Variants in UGT1A10 observed in about 807,000 individuals in gnomAD.
The protein encoded by UGT1A10 is UDP glucuronosyltransferase family 1 member A10, also known as UDP-glucuronosyltransferase 1A10.
UGT1A10 carries 49 observed loss-of-function variants against 45.8 expected under a neutral mutation model. That is an observed-to-expected ratio of 1.07 (90% CI 0.85 to 1.36). UGT1A10 has a LOEUF of 1.36. UGT1A10 is among the 40% of genes most tolerant of loss of function. The pLI is 0.00. For missense variants in UGT1A10, 745 were observed against 668.6 expected (o/e 1.11, Z -1.26); for synonymous variants, 284 against 249.7 (o/e 1.14, Z -1.29).
intron 1 of UGT1A10, chr2:233,747,355 T>C: frequency 1.2e-6 from 2 of 1,603,184 alleles, no homozygotes; most frequent in East Asian, 2.2e-5. Context: ...CGGGAGGCCG[T>C]GCGGGAGCTC....
At position 233,772,771 on chromosome 2, in the gene UGT1A10, G is replaced by A. The variant is rs989549467; in HGVS notation, c.*212G>A. 1 of 1,323,730 alleles carries A rather than the reference G, an allele frequency of 7.6e-7. No individual in the cohort carries two copies. The highest frequency in any genetic ancestry group is 1.5e-5 in the African/African-American group (1 of 67,390). The allele number at this position is 1,323,730 out of a possible 1,614,324, so 82.0% of individuals were successfully genotyped here. On this transcript the variant is annotated 3_prime_UTR_variant, in exon 5 of 5. Coordinates refer to ENST00000344644, the MANE Select transcript of UGT1A10 (RefSeq NM_019075.4). ...TTTGAATATGTATCGTGCCCCCTCTGGTGTCTTTGATCAGGATGACATGTG... is the reference window on the plus strand; with the variant it reads ...TTTGAATATGTATCGTGCCCCCTCTAGTGTCTTTGATCAGGATGACATGTG...
intron 1 of UGT1A10, among the ~76,000 whole-genome samples, chr2:233,696,259 G>A (rs1003470757): frequency 2.0e-5 from 3 of 152,170 alleles, no homozygotes; most frequent in Non-Finnish European, 4.4e-5. Context: ...ACACATCAGT[G>A]AATGAATGGA....
At chr2:233,679,746 C>G (rs569652766) in intron 1 of UGT1A10, among the ~76,000 whole-genome samples, 1 of 152,186 alleles carries the variant, frequency 6.6e-6, no homozygotes, top group East Asian at 1.9e-4. Context: ...GTAAAACTAG[C>G]AAACCATCCT....
At chr2:233,764,342 C>T (rs1016981784) in intron 1 of UGT1A10, among the ~76,000 whole-genome samples, 3 of 152,154 alleles carry the variant, frequency 2.0e-5, no homozygotes, top group Admixed American at 1.3e-4. Context: ...ATGGACTTCA[C>T]CTTTATTGAG....
intron 1 of UGT1A10, among the ~76,000 whole-genome samples, chr2:233,683,504 C>T (rs2074637285): frequency 6.6e-6 from 1 of 152,064 alleles, no homozygotes; most frequent in Non-Finnish European, 1.5e-5. Flanking sequence ...AGTAGGGTAT[C>T]ATCCTATGAG....
At chr2:233,737,982 G>T (rs1690650423) in intron 1 of UGT1A10, among the ~76,000 whole-genome samples, 2 of 151,994 alleles carry the variant, frequency 1.3e-5, no homozygotes, top group South Asian at 4.2e-4. Flanking sequence ...AATATGGTTT[G>T]GCTCTGTGTC....
At chr2:233,718,787 G>T (rs780688906) in intron 1 of UGT1A10, 1 of 1,613,100 alleles carries the variant, frequency 6.2e-7, no homozygotes, top group South Asian at 1.1e-5. Flanking sequence ...CACAGCGTGG[G>T]GTGGACAGTC....
In UGT1A10 at chr2:233,670,820, G is replaced by C. The variant is rs114041331; in HGVS notation, c.855+33443G>C. Among the ~76,000 whole-genome samples the C allele has an allele frequency of 3.0e-3, 457 of 152,272 alleles. 3 individuals are homozygous for C. The highest frequency in any genetic ancestry group is 0.01 in the African/African-American group (435 of 41,546). On this transcript the variant is annotated intron_variant, in intron 1 of 4. Transcript: ENST00000344644. ...ATTGTCCAAAAATCAAAAGAACTTT[G>C]AAAGACCGTCTCTTACTGGCAAGAT...
chr2:233,666,030 C>G (rs2074069814), intron 1 of UGT1A10, among the ~76,000 whole-genome samples: 1 of 152,148 alleles, frequency 6.6e-6, no homozygotes, highest in Non-Finnish European at 1.5e-5. Flanking sequence ...GCTGGTGGTT[C>G]ATTCAGGCGA....
At chr2:233,765,166 G>T (rs1228376175) in intron 1 of UGT1A10, among the ~76,000 whole-genome samples, 1 of 152,128 alleles carries the variant, frequency 6.6e-6, no homozygotes, top group Non-Finnish European at 1.5e-5. Flanking sequence ...CCCTCAGTTT[G>T]GGCAAGCCCT....
intron 1 of UGT1A10, chr2:233,760,764 C>A (rs199766420): frequency 8.1e-6 from 13 of 1,614,088 alleles, no homozygotes; most frequent in Non-Finnish European, 1.0e-5. Context: ...GCAGCCCCAT[C>A]GTGGCCCAGT....
At chr2:233,708,319 A>T (rs1235023538) in intron 1 of UGT1A10, 1 of 152,194 alleles carries the variant, frequency 6.6e-6, no homozygotes, top group African/African-American at 2.4e-5. Flanking sequence ...ATAGGTAAAA[A>T]ATATCTCAAG....
chr2:233,685,883 C>A (rs969889848), intron 1 of UGT1A10, among the ~76,000 whole-genome samples: 1 of 152,088 alleles, frequency 6.6e-6, no homozygotes, highest in African/African-American at 2.4e-5. Flanking sequence ...ATCAATAATT[C>A]TTTAATATTA....
At position 233,754,728 on chromosome 2, in the gene UGT1A10, C is replaced by CT. The variant is rs1413290062; in HGVS notation, c.856-12305dup. ...GGACTTGAAGCTGCCTGTCCCATCACTACCGTAGGACATGCAGAAGGAAGA... is the reference window on the plus strand; with the variant it reads ...GGACTTGAAGCTGCCTGTCCCATCACTTACCGTAGGACATGCAGAAGGAAGA... On this transcript the variant is annotated intron_variant, in intron 1 of 4. Transcript: ENST00000344644. 1.8e-5 allele frequency: 11 copies of CT among 620,812 alleles called. No individual in the cohort carries two copies. In the African/African-American group the frequency reaches 2.1e-4, roughly 12 times the overall value. 38.5% of individuals were successfully genotyped at this position (620,812 alleles called of 1,614,324 possible). A position where few individuals can be genotyped will look rare whatever the true frequency, so the allele number is the denominator to read the frequency against.
intron 1 of UGT1A10, among the ~76,000 whole-genome samples, chr2:233,766,742 G>T (rs1249550835): frequency 6.6e-6 from 1 of 152,146 alleles, no homozygotes; most frequent in African/African-American, 2.4e-5. Context: ...GTATGTACAG[G>T]TGTGTGCATG....
At position 233,729,327 on chromosome 2, in the gene UGT1A10, G is replaced by A. The variant is rs199842881; in HGVS notation, c.856-37707G>A. On this transcript the variant is annotated intron_variant, in intron 1 of 4. Coordinates refer to ENST00000344644, the MANE Select transcript of UGT1A10 (RefSeq NM_019075.4). ...TGGTCCTCACCCCAGAGGTGAATATGCACATCAAAGAAGAGAACTTTTTCA... is the reference window on the plus strand; with the variant it reads ...TGGTCCTCACCCCAGAGGTGAATATACACATCAAAGAAGAGAACTTTTTCA... 117 of 1,614,124 alleles carry A rather than the reference G, an allele frequency of 7.2e-5. No individual in the cohort carries two copies. The highest frequency in any genetic ancestry group is 9.6e-5 in the Non-Finnish European group (113 of 1,180,042).
intron 1 of UGT1A10, chr2:233,754,848 A>G (rs1437174207): frequency 7.4e-7 from 1 of 1,344,734 alleles, no homozygotes; most frequent in African/African-American, 1.5e-5. Flanking sequence ...GAAGGCAGAG[A>G]AAAGGGGTGC....
In UGT1A10 at chr2:233,719,617, C is replaced by T. The variant is rs756696112; in HGVS notation, c.856-47417C>T. On this transcript the variant is annotated intron_variant, in intron 1 of 4. Transcript: ENST00000344644. ...CGAGGGGACTTTGTGATGGACTACC[C>T]CAGGCCGATCATGCCCAACATGGTC... 9 of 1,614,012 alleles carry T rather than the reference C, an allele frequency of 5.6e-6. No homozygotes were observed. The South Asian group carries it at 9.9e-5, about 18-fold the overall frequency.
At chr2:233,671,621 ACCTTCAAGGT>A (rs2074194586) in intron 1 of UGT1A10, among the ~76,000 whole-genome samples, 1 of 152,228 alleles carries the variant, frequency 6.6e-6, no homozygotes, top group Non-Finnish European at 1.5e-5. Flanking sequence ...ATCTTTCTGA[ACCTTCAAGGT>A]CCAAAAGCAT....
Sources: gnomAD v4.1 joint callset for allele counts (sites outside exome capture counted in the v4.1 genomes callset) on GRCh38, gnomAD v4.1.1 for gene constraint, MANE v1.5 for transcripts, NCBI Gene and HGNC (gene_info 2026-07-23, HGNC 2026-07-21) for gene names.